Variants in AMOTL2 observed in about 807,000 individuals in gnomAD.
AMOTL2 encodes the protein angiomotin like 2.
AMOTL2 carries 33 observed loss-of-function variants against 78.4 expected under a neutral mutation model. The ratio of observed to expected loss-of-function variants is 0.42; its 90% CI spans 0.32 to 0.56. AMOTL2 has a LOEUF of 0.56. Ranked by LOEUF, AMOTL2 falls within the 20% of genes least tolerant of loss-of-function variation. AMOTL2 has a pLI of 0.12. For missense variants in AMOTL2, 983 were observed against 1,030.1 expected (o/e 0.95, Z 0.63); for synonymous variants, 422 against 428.8 (o/e 0.98, Z 0.20).
At position 134,359,440 on chromosome 3, in the gene AMOTL2, G is replaced by T; in HGVS notation, c.1947C>A (p.Arg649=). 1 of 1,614,208 alleles carries T rather than the reference G, an allele frequency of 6.2e-7. No individual in the cohort carries two copies. The highest frequency in any genetic ancestry group is 8.5e-7 in the Non-Finnish European group (1 of 1,180,034). ...KDAVIKVLQQ[R]SRRDPGKAIQ... The stretch of plus-strand genomic sequence containing the variant: ...TGGCCTTGCCAGGGTCTCTCCTGGA[G>T]CGCTGCTGAAGGACCTTGATCACTG... The change falls in exon 8 of 10, where the codon CGC becomes CGA. Residue 649 remains arginine (R), a synonymous_variant. Transcript: ENST00000249883.
At chr3:134,374,821 T>G (rs1471742993), upstream of AMOTL2, 10 of 1,073,068 alleles carry the variant, frequency 9.3e-6, no homozygotes, top group Non-Finnish European at 7.9e-6. Context: ...CTCTCACCCT[T>G]CATCCCTAAA....
chr3:134,367,824 T>C (rs765433641), intron 2 of AMOTL2, 21 bp from the exon 3 acceptor site: 32 of 1,612,086 alleles, frequency 2.0e-5, no homozygotes, highest in Non-Finnish European at 2.5e-5. Context: ...GAAGAGACGG[T>C]GCTCAGAGAC....
Position 134,371,064 on chromosome 3 carries a change from T to C in AMOTL2, c.370A>G (p.Thr124Ala). The C allele has an allele frequency of 6.2e-7, 1 of 1,610,474 alleles. No homozygotes were observed. Among genetic ancestry groups the C allele is most frequent in the African/African-American group, 1.3e-5 (1 of 74,986 alleles). ...SQYYAAQQAG[T>A]RPHAGDRDPR... ...TCTCGGTCCCCCGCATGTGGCCGGGTCCCTGCCTGCTGGGCCGCATAGTAC... is the reference window on the plus strand; with the variant it reads ...TCTCGGTCCCCCGCATGTGGCCGGGCCCCTGCCTGCTGGGCCGCATAGTAC... The change falls in exon 2 of 10, where the codon ACC becomes GCC. Residue 124 changes from threonine to alanine, a missense_variant. Coordinates refer to ENST00000249883, the MANE Select transcript of AMOTL2 (RefSeq NM_016201.4).
Position 134,371,024 on chromosome 3 carries a change from G to C in AMOTL2, c.410C>G (p.Pro137Arg). ...HAGDRDPRGAPGGSRRQDEAL... is the reference protein window; with the variant it reads ...HAGDRDPRGARGGSRRQDEAL... ...CTCGTCCTGCCTCCGACTGCCTCCC[G>C]GGGCCCCACGGGGATCTCGGTCCCC... The change falls in exon 2 of 10, where the codon CCG becomes CGG. Residue 137 changes from proline (P) to arginine (R), a missense_variant. Transcript: ENST00000249883. The C allele has an allele frequency of 6.2e-7, 1 of 1,604,384 alleles. No homozygotes were observed. The highest frequency in any genetic ancestry group is 8.5e-7 in the Non-Finnish European group (1 of 1,175,554).
At chr3:134,368,536 C>A (rs1173596810) in intron 2 of AMOTL2, among the ~76,000 whole-genome samples, 1 of 152,214 alleles carries the variant, frequency 6.6e-6, no homozygotes, top group Non-Finnish European at 1.5e-5. Flanking sequence ...CTCAGCCCCA[C>A]AGACTGGGCA....
At chr3:134,374,183 C>G (rs1455187012) in intron 1 of AMOTL2, 159 bp downstream of exon 1, 2 of 960,424 alleles carry the variant, frequency 2.1e-6, no homozygotes, top group Non-Finnish European at 2.5e-6. Flanking sequence ...TTGCCAGGCA[C>G]TGCGGCTGCC....
intron 1 of AMOTL2, 65 bp downstream of exon 1, chr3:134,374,277 G>A: frequency 1.0e-6 from 1 of 985,454 alleles, no homozygotes; most frequent in African/African-American, 1.7e-5. Context: ...CGAGACTCCA[G>A]CTTTGGCTGG....
At position 134,361,761 on chromosome 3, in the gene AMOTL2, T is replaced by TCTCTC; in HGVS notation, c.1325_1326insGAGAG (p.Leu443ArgfsTer126). ...GGTCCTCGATGGCGCCGCGCAGCAGTGCCATCTCTCGCTCCAGCTTCTCTT... is the reference window on the plus strand; with the variant it reads ...GGTCCTCGATGGCGCCGCGCAGCAGTCTCTCGCCATCTCTCGCTCCAGCTTCTCTT... On this transcript the variant is annotated frameshift_variant, in exon 6 of 10. Transcript: ENST00000249883. LOFTEE classifies it high-confidence loss of function. The TCTCTC allele has an allele frequency of 6.3e-7, 1 of 1,583,296 alleles. No individual in the cohort carries two copies. The highest frequency in any genetic ancestry group is 8.6e-7 in the Non-Finnish European group (1 of 1,162,462).
At position 134,371,409 on chromosome 3, in the gene AMOTL2, C is replaced by G; in HGVS notation, c.25G>C (p.Gly9Arg). MRTLEDSS[G>R]TVLHRLIQEQ... is the part of the protein sequence containing the mutation. ...TGGATGAGGCGGTGCAGGACTGTCC[C>G]CGAGGAGTCTTCCAGTGTCCTCATG... The change falls in exon 2 of 10, where the codon GGG becomes CGG. Residue 9 changes from glycine to arginine, a missense_variant. Coordinates refer to ENST00000249883, the MANE Select transcript of AMOTL2 (RefSeq NM_016201.4). 6.2e-7 allele frequency: 1 copy of G among 1,604,744 alleles called. No homozygotes were observed. Among genetic ancestry groups the G allele is most frequent in the African/African-American group, 1.3e-5 (1 of 75,042 alleles).
upstream of AMOTL2, chr3:134,375,302 C>T (rs2018044692): frequency 2.1e-6 from 3 of 1,458,678 alleles, no homozygotes; most frequent in Non-Finnish European, 2.8e-6. Context: ...CCCAGTCATC[C>T]GATTCAGCCC....
chr3:134,364,631 C>T (rs1334380015), intron 5 of AMOTL2, among the ~76,000 whole-genome samples: 1 of 152,090 alleles, frequency 6.6e-6, no homozygotes. Context: ...TCCTGCCCCA[C>T]CCTGTCAATT....
rs752598876 is a variant in AMOTL2 at position 134,361,749 on chromosome 3, G to A, written c.1338C>T (p.Gly446=). ...CACGCCGCCGCTGGTCCTCGATGGCGCCGCGCAGCAGTGCCATCTCTCGCT... is the reference window on the plus strand; with the variant it reads ...CACGCCGCCGCTGGTCCTCGATGGCACCGCGCAGCAGTGCCATCTCTCGCT... ...KLEREMALLR[G]AIEDQRRRAE... The change falls in exon 6 of 10, where the codon GGC becomes GGT. Residue 446 remains glycine, a synonymous_variant. Transcript: ENST00000249883. 6.8e-5 allele frequency: 108 copies of A among 1,594,362 alleles called. 2 individuals are homozygous for A. In the South Asian group the frequency reaches 1.1e-3, roughly 16 times the overall value.
At chr3:134,367,149 T>TG (rs2017641641) in intron 3 of AMOTL2, among the ~76,000 whole-genome samples, 1 of 151,952 alleles carries the variant, frequency 6.6e-6, no homozygotes, top group African/African-American at 2.4e-5. Context: ...TGCTGTTGTG[T>TG]GGGGGACACA....
chr3:134,374,258 G>A, intron 1 of AMOTL2, 84 bp downstream of exon 1: 2 of 985,476 alleles, frequency 2.0e-6, no homozygotes, highest in Admixed American at 6.1e-5. Flanking sequence ...GGAAAAGGCC[G>A]GGTTGCGCCG....
chr3:134,365,763 A>G (rs2017576493), intron 5 of AMOTL2, 54 bp downstream of exon 5: 4 of 1,501,968 alleles, frequency 2.7e-6, no homozygotes. Flanking sequence ...GAGGGTGTGC[A>G]GCAGTCCCAT....
chr3:134,357,828 G>C, intron 9 of AMOTL2, 65 bp from the exon 10 acceptor site: 1 of 1,513,184 alleles, frequency 6.6e-7, no homozygotes, highest in Non-Finnish European at 9.2e-7. Context: ...TAAAATCCTG[G>C]CACATTTGAA....
At chr3:134,369,368 T>C (rs2017752283) in intron 2 of AMOTL2, among the ~76,000 whole-genome samples, 1 of 152,248 alleles carries the variant, frequency 6.6e-6, no homozygotes, top group Admixed American at 6.5e-5. Flanking sequence ...CTCCTTTCCC[T>C]TCACACTTGC....
At chr3:134,361,457 AAG>A in intron 6 of AMOTL2, 53 bp downstream of exon 6, 1 of 1,509,280 alleles carries the variant, frequency 6.6e-7, no homozygotes, top group Non-Finnish European at 8.9e-7. Flanking sequence ...CCCGAGGAGG[AAG>A]GGAAGCCAAC....
rs2017837682 is a variant in AMOTL2, at chr3:134,371,070, C to T, written c.364G>A (p.Ala122Thr). 3.1e-6 allele frequency: 5 copies of T among 1,610,840 alleles called. No homozygotes were observed. Among genetic ancestry groups the T allele is most frequent in the Admixed American group, 3.4e-5 (2 of 59,544 alleles). Residue 122 changes from alanine to threonine, a missense_variant, in exon 2 of 10, where the codon GCA becomes ACA. Coordinates refer to ENST00000249883, the MANE Select transcript of AMOTL2 (RefSeq NM_016201.4). The part of the protein sequence containing the change: ...AHSQYYAAQQ[A>T]GTRPHAGDRD... ...TCCCCCGCATGTGGCCGGGTCCCTG[C>T]CTGCTGGGCCGCATAGTACTGCGAG...
Sources: allele counts gnomAD v4.1 joint callset (sites outside exome capture counted in the v4.1 genomes callset), GRCh38; gene constraint gnomAD v4.1.1; transcripts MANE v1.5; gene names NCBI Gene and HGNC (gene_info 2026-07-23, HGNC 2026-07-21).